The following TMC1 variants were observed in gnomAD, a reference collection of about 807,000 sequenced individuals.
TMC1 encodes transmembrane channel like 1, also known as transmembrane channel-like protein 1.
TMC1 carries 84 observed loss-of-function variants against 105.8 expected under a neutral mutation model. That is an observed-to-expected ratio of 0.79 (90% confidence interval 0.67 to 0.95). The LOEUF (loss-of-function observed/expected upper bound fraction) is 0.95, where lower values mean the gene tolerates loss of function less well. Ranked by LOEUF, TMC1 falls within the 40% of genes least tolerant of loss-of-function variation. TMC1 has a pLI of 0.00. For synonymous variants in TMC1, 315 were observed against 311.5 expected, an observed-to-expected ratio of 1.01 and a Z score of -0.12; for missense variants, 817 against 914.1, an observed-to-expected ratio of 0.89 and a Z score of 1.37.
chr9:72,646,080 C>T (rs950030265), intron 4 of TMC1, among the ~76,000 whole-genome samples: 1 of 152,142 alleles, frequency 6.6e-6, no homozygotes, highest in African/African-American at 2.4e-5. Context: ...ACATTTACTG[C>T]TATATCACAC....
intron 1 of TMC1, among the ~76,000 whole-genome samples, chr9:72,556,113 C>T (rs7041007): frequency 0.54 from 80,828 of 150,312 alleles, 22,896 homozygotes; most frequent in African/African-American, 0.74. Flanking sequence ...CCTTTTCACC[C>T]GTGAATTTTT....
intron 2 of TMC1, among the ~76,000 whole-genome samples, chr9:72,588,680 A>C (rs772724845): frequency 6.6e-6 from 1 of 152,218 alleles, no homozygotes; most frequent in Non-Finnish European, 1.5e-5. Flanking sequence ...TAAGGGGAAG[A>C]AAAATAGACC....
chr9:72,834,589 G>A (rs150631911), intron 23 of TMC1, among the ~76,000 whole-genome samples: 288 of 152,262 alleles, frequency 1.9e-3, no homozygotes, highest in Middle Eastern at 6.8e-3. Flanking sequence ...TGGCAAATCT[G>A]TAGCACCTGA....
chr9:72,700,388 G>T, intron 7 of TMC1, 130 bp from the exon 8 acceptor site: 1 of 590,628 alleles, frequency 1.7e-6, no homozygotes. Flanking sequence ...TCATGCTTAT[G>T]GGTCCTAATG....
At chr9:72,794,178 G>T (rs922234962) in intron 17 of TMC1, among the ~76,000 whole-genome samples, 3 of 152,030 alleles carry the variant, frequency 2.0e-5, no homozygotes, top group Non-Finnish European at 4.4e-5. Flanking sequence ...TTGCTGACCT[G>T]CATCTCAATG....
intron 15 of TMC1, 88 bp downstream of exon 15, chr9:72,789,405 G>A: frequency 2.2e-6 from 3 of 1,354,814 alleles, no homozygotes; most frequent in Non-Finnish European, 3.2e-6. Flanking sequence ...ATTTAAAAAG[G>A]CCACCCTTTA....
intron 10 of TMC1, among the ~76,000 whole-genome samples, chr9:72,748,182 G>C (rs536397527): frequency 6.6e-6 from 1 of 152,176 alleles, no homozygotes; most frequent in Non-Finnish European, 1.5e-5. Context: ...TGTAGCTCAA[G>C]ACTGCCTGGT....
intron 1 of TMC1, among the ~76,000 whole-genome samples, chr9:72,571,217 G>A (rs557619297): frequency 1.3e-5 from 2 of 150,970 alleles, no homozygotes; most frequent in South Asian, 4.2e-4. Context: ...CAGCTACTTG[G>A]GAGGCTGAGG....
rs138672701 is a variant in TMC1 at position 72,617,735 on chromosome 9, A to G, written c.-196+1258A>G. Among the ~76,000 whole-genome samples, 696 of 152,352 alleles carry G rather than the reference A, an allele frequency of 4.6e-3. 2 individuals carry two copies. Among genetic ancestry groups the G allele is most frequent in the African/African-American group, 0.016 (658 of 41,586 alleles). The stretch of plus-strand genomic sequence containing the variant: ...ACTGGAAACAACCCAAATGTCCACT[A>G]ATCGAGACTGTGTGAACCCAAGATG... On this transcript the variant is annotated intron_variant, in intron 3 of 23. Transcript: ENST00000297784.
rs727503483 is a variant in TMC1, at chr9:72,792,318, C to T, written c.1532C>T (p.Pro511Leu). The part of the protein sequence containing the change: ...PPFFVHPADV[P>L]RGPCWETMVG... ...TTTTTTGTTCACCCTGCAGATGTAC[C>T]TCGAGGACCTTGCTGGGAAACAATG... Residue 511 changes from proline (P) to leucine (L), a missense_variant, in exon 17 of 24, where the codon CCT (proline) becomes CTT (leucine). Pro to Leu is a moderately conservative substitution (Grantham distance 98, BLOSUM62 -3). Coordinates refer to ENST00000297784, the MANE Select transcript of TMC1 (RefSeq NM_138691.3). 1.2e-6 allele frequency: 2 copies of T among 1,614,094 alleles called. No individual in the cohort carries two copies. Among genetic ancestry groups the T allele is most frequent in the African/African-American group, 1.3e-5 (1 of 75,000 alleles).
At chr9:72,805,796 A>G (rs1226157508) in intron 18 of TMC1, among the ~76,000 whole-genome samples, 1 of 151,906 alleles carries the variant, frequency 6.6e-6, no homozygotes, top group Non-Finnish European at 1.5e-5. Flanking sequence ...CACATCTTGC[A>G]CCACCCTTAA....
chr9:72,784,404 T>C (rs1003365429), intron 13 of TMC1, among the ~76,000 whole-genome samples: 1 of 140,376 alleles, frequency 7.1e-6, no homozygotes, highest in Middle Eastern at 3.6e-3. Flanking sequence ...AAAATGACTA[T>C]TGTTAAAAAC....
At chr9:72,596,539 TAAAA>T (rs35140344) in intron 2 of TMC1, among the ~76,000 whole-genome samples, 55 of 102,244 alleles carry the variant, frequency 5.4e-4, no homozygotes, top group Non-Finnish European at 7.8e-4. Context: ...GTTTCAATTG[TAAAA>T]AAAAAAAAAA....
intron 3 of TMC1, among the ~76,000 whole-genome samples, chr9:72,623,801 T>C (rs1051390125): frequency 3.3e-5 from 5 of 152,114 alleles, no homozygotes; most frequent in Non-Finnish European, 7.3e-5. Flanking sequence ...TAGGTGTTTC[T>C]AGGGTATAGA....
At chr9:72,820,716 C>A in intron 19 of TMC1, 126 bp from the exon 20 acceptor site, 1 of 1,174,852 alleles carries the variant, frequency 8.5e-7, no homozygotes, top group Non-Finnish European at 1.2e-6. Context: ...AAGGGTTTGT[C>A]TGGTTGAAAG....
At chr9:72,820,705 A>G in intron 19 of TMC1, 137 bp from the exon 20 acceptor site, 1 of 1,060,604 alleles carries the variant, frequency 9.4e-7, no homozygotes, top group Non-Finnish European at 1.4e-6. Flanking sequence ...TTCTTTATGA[A>G]AAGGGTTTGT....
At chr9:72,728,791 C>A (rs1827162178) in intron 8 of TMC1, among the ~76,000 whole-genome samples, 1 of 151,914 alleles carries the variant, frequency 6.6e-6, no homozygotes, top group South Asian at 2.1e-4. Flanking sequence ...AATGTTTAAA[C>A]CATAAATTGA....
At chr9:72,616,043 C>G (rs938339344) in intron 2 of TMC1, among the ~76,000 whole-genome samples, 1 of 152,082 alleles carries the variant, frequency 6.6e-6, no homozygotes, top group Non-Finnish European at 1.5e-5. Flanking sequence ...CCACCGTGCC[C>G]GCTATTGACC....
chr9:72,737,448 T>C (rs1427494871), intron 8 of TMC1, among the ~76,000 whole-genome samples: 3 of 152,216 alleles, frequency 2.0e-5, no homozygotes, highest in Non-Finnish European at 4.4e-5. Context: ...TGGGAAATCT[T>C]GACCTATTAA....
Sources: gnomAD v4.1 joint callset for allele counts (sites outside exome capture counted in the v4.1 genomes callset) on GRCh38, gnomAD v4.1.1 for gene constraint, MANE v1.5 for transcripts, NCBI Gene and HGNC (gene_info 2026-07-23, HGNC 2026-07-21) for gene names.